Variants in USH2A observed in about 807,000 individuals in gnomAD.
USH2A encodes the protein usherin, also known as Usher syndrome 2A (autosomal recessive, mild).
USH2A carries 443 observed loss-of-function variants against 538.9 expected under a neutral mutation model. The observed-to-expected ratio is 0.82, with a 90% CI of 0.76 to 0.89. USH2A has a LOEUF of 0.89. Among genes scored for constraint, USH2A ranks in the 40% least tolerant of loss-of-function variants. The probability of loss-of-function intolerance (pLI) is 0.00; values close to 1 mark genes in which losing one functional copy is unlikely to be tolerated. For missense variants in USH2A, 6,633 were observed against 6,324.8 expected (o/e 1.05, Z -1.65); for synonymous variants, 2,413 against 2,273.5 (o/e 1.06, Z -1.75).
At chr1:215,664,794 GAGA>G (rs1657551854) in intron 64 of USH2A, among the ~76,000 whole-genome samples, 2 of 152,276 alleles carry the variant, frequency 1.3e-5, no homozygotes, top group Admixed American at 1.3e-4. Flanking sequence ...TGGATATAAG[GAGA>G]AGACCATTAT....
chr1:215,924,350 C>T (rs1473463891), intron 38 of USH2A, among the ~76,000 whole-genome samples: 2 of 151,876 alleles, frequency 1.3e-5, no homozygotes, highest in African/African-American at 2.4e-5. Context: ...CTTGATGCTG[C>T]TGATGAAAAG....
At chr1:215,807,020 T>A (rs1662525132) in intron 49 of USH2A, among the ~76,000 whole-genome samples, 1 of 152,040 alleles carries the variant, frequency 6.6e-6, no homozygotes, top group Admixed American at 6.6e-5. Context: ...GATGTCCACA[T>A]CCTAATCCCT....
intron 58 of USH2A, among the ~76,000 whole-genome samples, chr1:215,756,073 T>G (rs12091942): frequency 0.22 from 33,473 of 152,018 alleles, 3,927 homozygotes; most frequent in African/African-American, 0.3. Context: ...CTTCAAACAA[T>G]CACCATTGGT....
At chr1:215,785,846 G>A (rs1661782533) in intron 52 of USH2A, among the ~76,000 whole-genome samples, 1 of 151,422 alleles carries the variant, frequency 6.6e-6, no homozygotes, top group Non-Finnish European at 1.5e-5. Context: ...ATGATGGAAT[G>A]GAGCAATGTT....
At position 216,050,560 on chromosome 1, in the gene USH2A, TTTTCTTTC is replaced by T. The variant is rs67191347; in HGVS notation, c.6050-1921_6050-1914del. Among the ~76,000 whole-genome samples the T allele has an allele frequency of 2.1e-3, 76 of 35,704 alleles. 4 individuals are homozygous for T. The East Asian group carries it at 0.022, about 10-fold the overall frequency. The allele number at this position is 35,704 out of a possible 152,430, so 23.4% of individuals were successfully genotyped here. ...ACATGCTACTAGACAATTTGTATCT[TTTTCTTTC>T]TTTCTTTCTTTCTTTCTTTCTTTCT... is the stretch of plus-strand genomic sequence containing the variant. On this transcript the variant is annotated intron_variant, in intron 30 of 71. Transcript: ENST00000307340.
At chr1:216,086,608 A>G (rs1385078425) in intron 24 of USH2A, 111 bp downstream of exon 24, 3 of 959,424 alleles carry the variant, frequency 3.1e-6, no homozygotes, top group East Asian at 2.8e-5. Context: ...ACATTAATAT[A>G]GAAAATATAG....
intron 16 of USH2A, chr1:216,204,109 G>A (rs1558315768): frequency 6.5e-6 from 1 of 154,476 alleles, no homozygotes; most frequent in Non-Finnish European, 1.5e-5. Context: ...TGCCTACTAT[G>A]TCTAGTGCTC....
intron 35 of USH2A, among the ~76,000 whole-genome samples, chr1:215,973,776 G>A (rs1235045200): frequency 6.6e-6 from 1 of 151,118 alleles, no homozygotes; most frequent in South Asian, 2.1e-4. Flanking sequence ...GACAGTTATT[G>A]AAAGAAGGGC....
intron 21 of USH2A, among the ~76,000 whole-genome samples, chr1:216,114,784 A>G (rs2032963768): frequency 6.6e-6 from 1 of 152,202 alleles, no homozygotes. Flanking sequence ...AAATGCCACC[A>G]GATGCCATAA....
At chr1:216,267,649 A>G (rs2036500910) in intron 11 of USH2A, among the ~76,000 whole-genome samples, 1 of 152,084 alleles carries the variant, frequency 6.6e-6, no homozygotes, top group South Asian at 2.1e-4. Flanking sequence ...CTTTGTCAAT[A>G]CTGAGCTCCT....
chr1:216,406,646 A>G (rs1469124655), intron 3 of USH2A, among the ~76,000 whole-genome samples: 1 of 152,124 alleles, frequency 6.6e-6, no homozygotes, highest in Admixed American at 6.6e-5. Flanking sequence ...TTGTTCTCAG[A>G]TTGTTGCAGG....
chr1:216,339,383 T>G (rs2038032687), intron 4 of USH2A, among the ~76,000 whole-genome samples: 1 of 151,682 alleles, frequency 6.6e-6, no homozygotes, highest in African/African-American at 2.4e-5. Context: ...TAGCCAATGT[T>G]TGACCATTTT....
At position 216,083,584 on chromosome 1, in the gene USH2A, A is replaced by C. The variant is rs1381827718; in HGVS notation, c.5170T>G (p.Phe1724Val). The change falls in exon 26 of 72, where the codon TTC becomes GTC. Residue 1724 changes from phenylalanine (F) to valine (V), a missense_variant and splice_region_variant. Physicochemically the swap from Phe to Val is conservative, Grantham distance 50 (BLOSUM62 -1). Coordinates refer to ENST00000307340, the MANE Select transcript of USH2A (RefSeq NM_206933.4). ...AACATATATGGATGAAGTTCCAGGA[A>C]CCCTTTAAAGATAAAAATATGTACA... Reference protein sequence around the residue: ...NEGAQFLGAGFLELHPYMFHG... With the variant: ...NEGAQFLGAGVLELHPYMFHG... The C allele has an allele frequency of 6.2e-7, 1 of 1,611,906 alleles. No individual in the cohort carries two copies. The highest frequency in any genetic ancestry group is 1.7e-5 in the Admixed American group (1 of 59,782).
At chr1:216,131,700 C>T (rs2033379767) in intron 21 of USH2A, among the ~76,000 whole-genome samples, 2 of 151,970 alleles carry the variant, frequency 1.3e-5, no homozygotes, top group Admixed American at 1.3e-4. Context: ...ATGATTGTCC[C>T]TCTCCCTAGA....
intron 44 of USH2A, among the ~76,000 whole-genome samples, chr1:215,855,568 T>C (rs1360089733): frequency 6.6e-6 from 1 of 152,174 alleles, no homozygotes; most frequent in Admixed American, 6.5e-5. Flanking sequence ...ATGATCATAC[T>C]GCCAAAAGCA....
intron 61 of USH2A, among the ~76,000 whole-genome samples, chr1:215,697,591 G>A (rs570093153): frequency 1.3e-4 from 19 of 151,936 alleles, no homozygotes; most frequent in South Asian, 2.1e-4. Context: ...GCACGATCTC[G>A]GCTCACTGCA....
At chr1:216,417,654 C>T (rs1350333090) in intron 3 of USH2A, among the ~76,000 whole-genome samples, 1 of 152,114 alleles carries the variant, frequency 6.6e-6, no homozygotes, top group Non-Finnish European at 1.5e-5. Context: ...ACATGAAGTG[C>T]TTGCTCAGCC....
chr1:216,140,508 T>G (rs2033581732), intron 21 of USH2A, among the ~76,000 whole-genome samples: 1 of 152,146 alleles, frequency 6.6e-6, no homozygotes. Flanking sequence ...GCCCTATGAG[T>G]GCAGCCATAA....
intron 14 of USH2A, among the ~76,000 whole-genome samples, chr1:216,226,505 G>A (rs2035564416): frequency 6.6e-6 from 1 of 152,130 alleles, no homozygotes; most frequent in African/African-American, 2.4e-5. Flanking sequence ...CTGCAGGAAG[G>A]GTAGAAACTC....
Sources: allele counts gnomAD v4.1 joint callset (sites outside exome capture counted in the v4.1 genomes callset), GRCh38; gene constraint gnomAD v4.1.1; transcripts MANE v1.5; gene names NCBI Gene and HGNC (gene_info 2026-07-23, HGNC 2026-07-21).